The following FNIP2 variants were observed in gnomAD, a reference collection of about 807,000 sequenced individuals.
The protein encoded by FNIP2 is folliculin-interacting protein 2.
Under a neutral mutation model 108.7 loss-of-function variants are expected in FNIP2, and 32 were observed. That is an observed-to-expected ratio of 0.29 (90% confidence interval 0.22 to 0.40). FNIP2 has a LOEUF of 0.40. FNIP2 is among the 10% of genes least tolerant of loss of function. FNIP2 has a pLI of 1.00. For missense variants in FNIP2, 1,202 were observed against 1,381.6 expected (o/e 0.87, Z 2.06); for synonymous variants, 480 against 496.7 (o/e 0.97, Z 0.45).
chr4:158,800,873 A>C (rs1250646065), intron 1 of FNIP2, among the ~76,000 whole-genome samples: 1 of 152,072 alleles, frequency 6.6e-6, no homozygotes, highest in Non-Finnish European at 1.5e-5. Flanking sequence ...TGATTCTTTC[A>C]GTTACTGGGT....
At chr4:158,878,970 AT>A (rs1212614747) in intron 14 of FNIP2, among the ~76,000 whole-genome samples, 1 of 150,360 alleles carries the variant, frequency 6.7e-6, no homozygotes, top group African/African-American at 2.5e-5. Context: ...GATAATTAGA[AT>A]TTGAAATGGA....
At chr4:158,889,337 A>T (rs887408294) in intron 14 of FNIP2, among the ~76,000 whole-genome samples, 10 of 152,178 alleles carry the variant, frequency 6.6e-5, no homozygotes, top group Admixed American at 6.5e-4. Context: ...CAGCCTTCTG[A>T]TATAACCTAA....
intron 14 of FNIP2, chr4:158,890,269 C>G: frequency 1.0e-6 from 1 of 984,198 alleles, no homozygotes. Flanking sequence ...CTTTTTAAAC[C>G]CTTATATTTT....
intron 14 of FNIP2, among the ~76,000 whole-genome samples, chr4:158,883,432 G>A (rs577055780): frequency 2.0e-4 from 30 of 151,976 alleles, no homozygotes; most frequent in African/African-American, 6.0e-4. Context: ...TAGTAGAGAC[G>A]GGGTTTCACC....
At chr4:158,830,894 T>C (rs1050781310) in intron 3 of FNIP2, among the ~76,000 whole-genome samples, 1 of 152,200 alleles carries the variant, frequency 6.6e-6, no homozygotes, top group Non-Finnish European at 1.5e-5. Context: ...CTCATTCAGA[T>C]GTCACTAGGT....
At chr4:158,825,646 A>G (rs1778114097) in intron 1 of FNIP2, among the ~76,000 whole-genome samples, 1 of 152,242 alleles carries the variant, frequency 6.6e-6, no homozygotes, top group African/African-American at 2.4e-5. Context: ...CTTTGGAAGG[A>G]GAAGCTTTCT....
At chr4:158,871,010 G>T (rs974813924) in intron 14 of FNIP2, among the ~76,000 whole-genome samples, 1 of 152,264 alleles carries the variant, frequency 6.6e-6, no homozygotes, top group Non-Finnish European at 1.5e-5. Flanking sequence ...ATTATATGCC[G>T]TCACGGTGAG....
At chr4:158,877,785 A>G (rs1781364371) in intron 14 of FNIP2, among the ~76,000 whole-genome samples, 2 of 152,338 alleles carry the variant, frequency 1.3e-5, no homozygotes, top group South Asian at 2.1e-4. Flanking sequence ...AATCTGAAGT[A>G]GAATTAGCAG....
chr4:158,823,644 G>A (rs1196440429), intron 1 of FNIP2, among the ~76,000 whole-genome samples: 1 of 152,164 alleles, frequency 6.6e-6, no homozygotes, highest in Non-Finnish European at 1.5e-5. Context: ...GCTGGCTTTG[G>A]GTACTGCCAG....
At chr4:158,904,226 C>A (rs1729626235) in intron 16 of FNIP2, among the ~76,000 whole-genome samples, 1 of 152,164 alleles carries the variant, frequency 6.6e-6, no homozygotes. Context: ...TGTCCACACA[C>A]AGGCACAACA....
At chr4:158,887,074 G>T (rs1427149354) in intron 14 of FNIP2, among the ~76,000 whole-genome samples, 1 of 152,092 alleles carries the variant, frequency 6.6e-6, no homozygotes, top group East Asian at 1.9e-4. Flanking sequence ...GTCAGCGTTG[G>T]GGTACAGGCA....
At chr4:158,793,299 T>C (rs1776481437) in intron 1 of FNIP2, among the ~76,000 whole-genome samples, 1 of 152,196 alleles carries the variant, frequency 6.6e-6, no homozygotes, top group Non-Finnish European at 1.5e-5. Context: ...AATGTCCAGA[T>C]GTGAAAGCAG....
In FNIP2 at chr4:158,882,194, G is replaced by A. The variant is rs1162293825; in HGVS notation, c.2950-9252G>A. Among the ~76,000 whole-genome samples, 520 of 149,714 alleles carry A rather than the reference G, an allele frequency of 3.5e-3. 3 individuals are homozygous for A. Among genetic ancestry groups the A allele is most frequent in the Non-Finnish European group, 5.7e-3 (383 of 67,458 alleles). On this transcript the variant is annotated intron_variant, in intron 14 of 16. Transcript: ENST00000264433. ...TGAGGAGCCCCTCCGCCCAGCAGCC[G>A]CCCCGTCTGAGAAGTGAGGAGCCCC...
intron 1 of FNIP2, among the ~76,000 whole-genome samples, chr4:158,803,347 A>G (rs1776823650): frequency 6.6e-6 from 1 of 152,186 alleles, no homozygotes; most frequent in South Asian, 2.1e-4. Flanking sequence ...AACAATGTGA[A>G]TACCTCTCTA....
intron 1 of FNIP2, among the ~76,000 whole-genome samples, chr4:158,825,560 C>G (rs766835845): frequency 1.3e-5 from 2 of 152,214 alleles, no homozygotes; most frequent in Non-Finnish European, 2.9e-5. Context: ...TATGCTGTCC[C>G]CAGAACCCAG....
chr4:158,885,214 G>A (rs1781962149), intron 14 of FNIP2, among the ~76,000 whole-genome samples: 1 of 152,078 alleles, frequency 6.6e-6, no homozygotes, highest in Admixed American at 6.5e-5. Flanking sequence ...TAGCATGGGG[G>A]AAATTGCCCC....
At chr4:158,800,614 A>G (rs1036413778) in intron 1 of FNIP2, among the ~76,000 whole-genome samples, 29 of 152,208 alleles carry the variant, frequency 1.9e-4, no homozygotes, top group Non-Finnish European at 3.8e-4. Flanking sequence ...CATGCCTATT[A>G]TTAGAAAATT....
At chr4:158,889,242 T>G (rs1432066052) in intron 14 of FNIP2, among the ~76,000 whole-genome samples, 1 of 152,234 alleles carries the variant, frequency 6.6e-6, no homozygotes. Context: ...TTAGTATTTT[T>G]TAGTTTTACA....
intron 7 of FNIP2, among the ~76,000 whole-genome samples, chr4:158,849,867 C>T (rs1000669785): frequency 2.6e-5 from 4 of 151,422 alleles, no homozygotes; most frequent in Non-Finnish European, 4.4e-5. Context: ...GTCAAGGCAC[C>T]GTTATGGGTA....
Sources: allele counts gnomAD v4.1 joint callset (sites outside exome capture counted in the v4.1 genomes callset), GRCh38; gene constraint gnomAD v4.1.1; transcripts MANE v1.5; gene names NCBI Gene and HGNC (gene_info 2026-07-23, HGNC 2026-07-21).